The following AMD1 variants were observed in gnomAD, a reference collection of about 807,000 sequenced individuals.
AMD1 encodes the protein S-adenosylmethionine decarboxylase proenzyme.
In AMD1, 11 loss-of-function variants were observed where a neutral mutation model predicts 40.2. The observed-to-expected ratio is 0.27, with a 90% CI of 0.17 to 0.45. AMD1 has a LOEUF of 0.45. AMD1 is among the 20% of genes least tolerant of loss of function. The pLI, the probability that AMD1 is intolerant of heterozygous loss-of-function variation, is 1.00. For synonymous variants in AMD1, 121 were observed against 130.8 expected (o/e 0.93, Z 0.51); for missense variants, 257 against 410.2 (o/e 0.63, Z 3.23).
Position 110,892,891 on chromosome 6 carries a change from T to A in AMD1, c.709-19T>A. On this transcript the variant is annotated intron_variant, in intron 7 of 8. Transcript: ENST00000368885. ...TGAATAGTCTTTCCATTCTTAACACTGTGAACTTTTTCTCTCAGGGAACTT... is the reference window on the plus strand; with the variant it reads ...TGAATAGTCTTTCCATTCTTAACACAGTGAACTTTTTCTCTCAGGGAACTT... 6.8e-7 allele frequency: 1 copy of A among 1,473,342 alleles called. No individual in the cohort carries two copies. Among genetic ancestry groups the A allele is most frequent in the South Asian group, 1.1e-5 (1 of 88,946 alleles). The allele number at this position is 1,473,342 out of a possible 1,614,324, so 91.3% of individuals were successfully genotyped here. A position where few individuals can be genotyped will look rare whatever the true frequency, so the allele number is the denominator to read the frequency against.
upstream of AMD1, among the ~76,000 whole-genome samples, chr6:110,871,061 G>A (rs1372276809): frequency 6.6e-6 from 1 of 152,194 alleles, no homozygotes; most frequent in Non-Finnish European, 1.5e-5. Context: ...ATGACCTAAA[G>A]GGAGACAGGT....
At chr6:110,830,895 A>G in the AMD1 span, among the ~76,000 whole-genome samples, 1 of 152,116 alleles carries the variant, frequency 6.6e-6, no homozygotes. Flanking sequence ...GAGTACAGGC[A>G]CATACCACCA....
the AMD1 span, among the ~76,000 whole-genome samples, chr6:110,826,688 CTTT>C: frequency 9.9e-5 from 13 of 131,392 alleles, no homozygotes; most frequent in Non-Finnish European, 9.6e-5. Flanking sequence ...TCTTTTCTTT[CTTT>C]TTTTTTTTTT....
the AMD1 span, among the ~76,000 whole-genome samples, chr6:110,823,897 T>A: frequency 2.6e-5 from 4 of 152,192 alleles, no homozygotes; most frequent in African/African-American, 9.6e-5. Context: ...ATACATCTCA[T>A]GCTCACAGAT....
chr6:110,871,197 C>T (rs1784913834), upstream of AMD1, among the ~76,000 whole-genome samples: 2 of 152,102 alleles, frequency 1.3e-5, no homozygotes, highest in Admixed American at 1.3e-4. Flanking sequence ...TAATGGGAAA[C>T]CCCTGGAGAA....
chr6:110,818,758 G>C, the AMD1 span, among the ~76,000 whole-genome samples: 11 of 152,152 alleles, frequency 7.2e-5, no homozygotes, highest in Non-Finnish European at 1.5e-4. Context: ...GGCTGGTCTT[G>C]AACTCCTGGC....
At chr6:110,849,954 G>T in the AMD1 span, among the ~76,000 whole-genome samples, 5 of 151,688 alleles carry the variant, frequency 3.3e-5, no homozygotes, top group Admixed American at 3.3e-4. Context: ...GAGCCTGGGA[G>T]ATTGAGGCTG....
upstream of AMD1, among the ~76,000 whole-genome samples, chr6:110,874,065 A>T (rs1006769823): frequency 2.6e-5 from 4 of 152,270 alleles, no homozygotes; most frequent in Non-Finnish European, 5.9e-5. Context: ...ATTCGGAGGC[A>T]TGGCGAGCCA....
At chr6:110,884,056 A>G (rs546466451) in intron 1 of AMD1, among the ~76,000 whole-genome samples, 1 of 152,376 alleles carries the variant, frequency 6.6e-6, no homozygotes, top group Admixed American at 6.5e-5. Context: ...TAAACAGCAC[A>G]TCAGAGGCTT....
chr6:110,827,909 C>T, the AMD1 span, among the ~76,000 whole-genome samples: 1 of 152,082 alleles, frequency 6.6e-6, no homozygotes. Flanking sequence ...TTTCTGTCAA[C>T]AGATTATAAG....
chr6:110,817,634 G>A, the AMD1 span, among the ~76,000 whole-genome samples: 1 of 152,144 alleles, frequency 6.6e-6, no homozygotes, highest in Non-Finnish European at 1.5e-5. Flanking sequence ...CTTTAATCAA[G>A]AAAAATCTCA....
intron 1 of AMD1, among the ~76,000 whole-genome samples, chr6:110,883,933 C>T (rs1785547053): frequency 6.6e-6 from 1 of 152,068 alleles, no homozygotes; most frequent in Non-Finnish European, 1.5e-5. Flanking sequence ...AGAGTCCTTC[C>T]CCTATCCCCT....
rs1786239607 is a variant in AMD1, at chr6:110,895,209, C to T, written c.*1593C>T. 6.6e-6 allele frequency: 1 copy of T among 152,078 alleles called. No individual in the cohort carries two copies. Among genetic ancestry groups the T allele is most frequent in the African/African-American group, 2.4e-5 (1 of 41,414 alleles). 9.4% of individuals were successfully genotyped at this position (152,078 alleles called of 1,614,324 possible). Reference sequence around the variant, plus strand: ...ACACCTTTTTTTAGTGTTTCTAAACCTAAAATCTACTTGGTTTGAAATCAA... The same window carrying T: ...ACACCTTTTTTTAGTGTTTCTAAACTTAAAATCTACTTGGTTTGAAATCAA... On this transcript the variant is annotated 3_prime_UTR_variant, in exon 9 of 9. Transcript: ENST00000368885.
At chr6:110,876,075 T>A (rs1785094947) in intron 1 of AMD1, among the ~76,000 whole-genome samples, 1 of 152,182 alleles carries the variant, frequency 6.6e-6, no homozygotes, top group Non-Finnish European at 1.5e-5. Context: ...TCTAATGCCT[T>A]AAGCTTGAGC....
At chr6:110,862,176 T>A in the AMD1 span, among the ~76,000 whole-genome samples, 1 of 151,782 alleles carries the variant, frequency 6.6e-6, no homozygotes, top group Non-Finnish European at 1.5e-5. Context: ...ACTTCGCTAA[T>A]TTTTTTATTA....
the AMD1 span, among the ~76,000 whole-genome samples, chr6:110,816,202 C>G: frequency 6.6e-6 from 1 of 152,180 alleles, no homozygotes; most frequent in African/African-American, 2.4e-5. Context: ...TTAGCATATG[C>G]GGTTCCCATA....
intron 1 of AMD1, among the ~76,000 whole-genome samples, chr6:110,879,215 C>T (rs1424000403): frequency 6.6e-6 from 1 of 152,122 alleles, no homozygotes; most frequent in Non-Finnish European, 1.5e-5. Flanking sequence ...GCTGGTCCAT[C>T]CTGGTGCGTG....
At chr6:110,887,372 G>A in intron 1 of AMD1, 133 bp from the exon 2 acceptor site, 1 of 557,772 alleles carries the variant, frequency 1.8e-6, no homozygotes. Flanking sequence ...AGATTATTTT[G>A]AAAGAAACTA....
At chr6:110,884,059 A>G (rs1785555953) in intron 1 of AMD1, among the ~76,000 whole-genome samples, 1 of 152,254 alleles carries the variant, frequency 6.6e-6, no homozygotes, top group Non-Finnish European at 1.5e-5. Context: ...ACAGCACATC[A>G]GAGGCTTTGA....
Sources: allele counts gnomAD v4.1 joint callset (sites outside exome capture counted in the v4.1 genomes callset), GRCh38; gene constraint gnomAD v4.1.1; transcripts MANE v1.5; gene names NCBI Gene and HGNC (gene_info 2026-07-23, HGNC 2026-07-21).